The following RAB3C variants were observed in gnomAD, a reference collection of about 807,000 sequenced individuals.
The protein encoded by RAB3C is RAB3C, member RAS oncogene family, also known as ras-related protein Rab-3C.
A neutral mutation model predicts 26.4 loss-of-function variants in RAB3C; 17 were observed. The ratio of observed to expected loss-of-function variants is 0.64; its 90% confidence interval spans 0.44 to 0.97. The LOEUF is 0.97. Ranked by LOEUF, RAB3C falls within the 50% of genes least tolerant of loss-of-function variation. RAB3C has a pLI of 0.00. For synonymous variants in RAB3C, 91 were observed against 95.9 expected, an observed-to-expected ratio of 0.95 and a Z score of 0.30; for missense variants, 242 against 281.9, an observed-to-expected ratio of 0.86 and a Z score of 1.01.
At chr5:58,818,870 C>T (rs1369551860) in intron 3 of RAB3C, among the ~76,000 whole-genome samples, 1 of 151,964 alleles carries the variant, frequency 6.6e-6, no homozygotes, top group South Asian at 2.1e-4. Context: ...CATATAAATA[C>T]CATGTGAAAG....
chr5:58,838,639 A>C (rs1579946973), intron 4 of RAB3C, among the ~76,000 whole-genome samples: 2 of 109,362 alleles, frequency 1.8e-5, no homozygotes, highest in South Asian at 5.6e-4. Flanking sequence ...AATGTTCTAC[A>C]TGCTGATGAA....
At chr5:58,608,948 C>A (rs779871893) in intron 1 of RAB3C, among the ~76,000 whole-genome samples, 1 of 152,080 alleles carries the variant, frequency 6.6e-6, no homozygotes, top group African/African-American at 2.4e-5. Context: ...GGACAGAAAA[C>A]CAAACACAGC....
At position 58,857,928 on chromosome 5, in the gene RAB3C, G is replaced by A. The variant is rs1361508310; in HGVS notation, c.*6577G>A. The A allele has an allele frequency of 1.3e-5, 2 of 152,230 alleles. No homozygotes were observed. The highest frequency in any genetic ancestry group is 1.9e-4 in the East Asian group (1 of 5,192). The allele number at this position is 152,230 out of a possible 1,614,324, so 9.4% of individuals were successfully genotyped here. A position where few individuals can be genotyped will look rare whatever the true frequency, so the allele number is the denominator to read the frequency against. ...ATGTGAATTTTAAATTAGAATAACC[G>A]TCTTAAACTCCTACTTGCCATTTCT... On this transcript the variant is annotated 3_prime_UTR_variant, in exon 5 of 5. Transcript: ENST00000282878.
chr5:58,844,459 T>C (rs1743944213), intron 4 of RAB3C, among the ~76,000 whole-genome samples: 1 of 152,228 alleles, frequency 6.6e-6, no homozygotes, highest in Admixed American at 6.5e-5. Flanking sequence ...GGCAAATTGA[T>C]CAAAAGCCTT....
At chr5:58,755,927 A>G (rs1741646003) in intron 3 of RAB3C, among the ~76,000 whole-genome samples, 1 of 152,216 alleles carries the variant, frequency 6.6e-6, no homozygotes, top group African/African-American at 2.4e-5. Context: ...TGAAATATTA[A>G]AACTCATACA....
chr5:58,582,985 G>T, upstream of RAB3C: 1 of 1,287,562 alleles, frequency 7.8e-7, no homozygotes, highest in Non-Finnish European at 1.0e-6. Flanking sequence ...CCCGTTTGCC[G>T]GGAACACCCG....
intron 3 of RAB3C, among the ~76,000 whole-genome samples, chr5:58,737,399 ATATAT>A: frequency 7.5e-4 from 1 of 1,332 alleles, no homozygotes; most frequent in African/African-American, 4.3e-3. Context: ...TATGAAATAT[ATATAT>A]ATATATATAT....
intron 2 of RAB3C, among the ~76,000 whole-genome samples, chr5:58,676,597 C>A (rs191154128): frequency 6.6e-6 from 1 of 151,976 alleles, no homozygotes; most frequent in South Asian, 2.1e-4. Context: ...ACTGGAGGTG[C>A]GGGGTGGTAG....
chr5:58,660,541 T>G (rs916659197), intron 2 of RAB3C, among the ~76,000 whole-genome samples: 2 of 150,292 alleles, frequency 1.3e-5, no homozygotes, highest in African/African-American at 5.0e-5. Flanking sequence ...GAACAAAAAT[T>G]TGGCAAATAT....
chr5:58,765,014 T>C (rs905326362), intron 3 of RAB3C, among the ~76,000 whole-genome samples: 2 of 152,204 alleles, frequency 1.3e-5, no homozygotes, highest in Non-Finnish European at 2.9e-5. Flanking sequence ...GATGTATTTG[T>C]GAAATATATC....
At chr5:58,719,769 A>T (rs374045607) in intron 2 of RAB3C, among the ~76,000 whole-genome samples, 18 of 152,018 alleles carry the variant, frequency 1.2e-4, no homozygotes, top group African/African-American at 1.7e-4. Context: ...CTAAAGTGTT[A>T]TGTATATAAA....
rs557891688 is a variant in RAB3C, at chr5:58,757,372, C to T, written c.371+31252C>T. On this transcript the variant is annotated intron_variant, in intron 3 of 4. Coordinates refer to ENST00000282878, the MANE Select transcript of RAB3C (RefSeq NM_138453.4). ...CCACTTTCAATAGGGAATACTTCTA[C>T]AACCTTTCTTTTTATTTTCTGACAT... 1.2e-3 allele frequency among the ~76,000 whole-genome samples: 183 copies of T among 151,698 alleles called. No homozygotes were observed. In the Middle Eastern group the frequency reaches 0.02, roughly 17 times the overall value.
intron 4 of RAB3C, among the ~76,000 whole-genome samples, chr5:58,850,141 T>A (rs1192802638): frequency 6.6e-6 from 1 of 152,140 alleles, no homozygotes; most frequent in Non-Finnish European, 1.5e-5. Context: ...GCTCAGCCAG[T>A]GGAATGTGAA....
chr5:58,754,125 G>T (rs890318822), intron 3 of RAB3C, among the ~76,000 whole-genome samples: 1 of 152,028 alleles, frequency 6.6e-6, no homozygotes, highest in Non-Finnish European at 1.5e-5. Flanking sequence ...ATCACAAAAG[G>T]GTTAAATTTT....
intron 4 of RAB3C, among the ~76,000 whole-genome samples, chr5:58,839,372 T>TATTC (rs1180943365): frequency 1.3e-5 from 2 of 151,058 alleles, no homozygotes; most frequent in Non-Finnish European, 3.0e-5. Flanking sequence ...TTTATTTATT[T>TATTC]ATTTATTTAT....
chr5:58,582,385 C>G, upstream of RAB3C: 1 of 985,320 alleles, frequency 1.0e-6, no homozygotes, highest in Non-Finnish European at 1.2e-6. Context: ...AATTTCTGAA[C>G]CTCGAGTTGT....
intron 3 of RAB3C, among the ~76,000 whole-genome samples, chr5:58,796,474 C>T (rs1742651310): frequency 6.6e-6 from 1 of 152,092 alleles, no homozygotes; most frequent in Admixed American, 6.5e-5. Context: ...TAATACAGAA[C>T]CTGACAGATA....
chr5:58,789,531 C>T (rs1742472273), intron 3 of RAB3C, among the ~76,000 whole-genome samples: 1 of 152,118 alleles, frequency 6.6e-6, no homozygotes, highest in Non-Finnish European at 1.5e-5. Flanking sequence ...TTCTGAAAGT[C>T]AATACTATTC....
chr5:58,826,175 C>T (rs16888664), intron 4 of RAB3C, among the ~76,000 whole-genome samples: 1,593 of 151,784 alleles, frequency 0.01, 78 homozygotes, highest in Admixed American at 0.074. Context: ...AGAGGGCCCC[C>T]GGGGAGATCA....
Sources: gnomAD v4.1 joint callset for allele counts (sites outside exome capture counted in the v4.1 genomes callset) on GRCh38, gnomAD v4.1.1 for gene constraint, MANE v1.5 for transcripts, NCBI Gene and HGNC (gene_info 2026-07-23, HGNC 2026-07-21) for gene names.